The following ARHGEF3 variants were observed in gnomAD, a reference collection of about 807,000 sequenced individuals.
ARHGEF3 encodes the protein 59.8 kDA protein.
A neutral mutation model predicts 63.2 loss-of-function variants in ARHGEF3; 28 were observed. The ratio of observed to expected loss-of-function variants is 0.44; its 90% confidence interval spans 0.33 to 0.61. The LOEUF (loss-of-function observed/expected upper bound fraction) is 0.61, where lower values mean the gene tolerates loss of function less well. Ranked by LOEUF, ARHGEF3 falls within the 20% of genes least tolerant of loss-of-function variation. ARHGEF3 has a pLI of 0.03. For missense variants in ARHGEF3, 533 were observed against 659.3 expected (o/e 0.81, Z 2.10); for synonymous variants, 266 against 254.2 (o/e 1.05, Z -0.44).
chr3:56,819,085 A>G (rs542172915), intron 4 of ARHGEF3, among the ~76,000 whole-genome samples: 2 of 152,326 alleles, frequency 1.3e-5, no homozygotes, highest in East Asian at 3.9e-4. Context: ...AGGACTTAAG[A>G]GAAGACTAAA....
At chr3:56,977,191 C>G (rs891975988) in intron 2 of ARHGEF3, 5 of 454,532 alleles carry the variant, frequency 1.1e-5, no homozygotes, top group South Asian at 3.1e-5. Flanking sequence ...CAAGTTGCAT[C>G]AAGATTTTTC....
At chr3:56,855,629 G>A (rs1223515579) in intron 4 of ARHGEF3, among the ~76,000 whole-genome samples, 1 of 151,482 alleles carries the variant, frequency 6.6e-6, no homozygotes, top group Non-Finnish European at 1.5e-5. Context: ...GTTGCAATGA[G>A]CCGAGATTAC....
At chr3:57,007,309 G>A (rs767842749) in intron 2 of ARHGEF3, 43 of 1,289,606 alleles carry the variant, frequency 3.3e-5, no homozygotes, top group East Asian at 1.1e-4. Flanking sequence ...CATTGATTGC[G>A]CTGGTTCCAG....
intron 3 of ARHGEF3, among the ~76,000 whole-genome samples, chr3:56,954,896 G>A (rs1278213359): frequency 6.6e-6 from 1 of 152,166 alleles, no homozygotes; most frequent in African/African-American, 2.4e-5. Context: ...ATGGAGGTCT[G>A]CAGGGAATGT....
chr3:56,948,701 C>T (rs1699646372), intron 3 of ARHGEF3, among the ~76,000 whole-genome samples: 1 of 152,116 alleles, frequency 6.6e-6, no homozygotes, highest in Non-Finnish European at 1.5e-5. Flanking sequence ...ACCAGAGGTA[C>T]AAGGAGGAGC....
At chr3:56,937,648 T>C (rs1363711204) in intron 3 of ARHGEF3, among the ~76,000 whole-genome samples, 1 of 152,202 alleles carries the variant, frequency 6.6e-6, no homozygotes, top group Non-Finnish European at 1.5e-5. Flanking sequence ...TCCTCCCTGC[T>C]AGAACAAGTA....
intron 2 of ARHGEF3, among the ~76,000 whole-genome samples, chr3:56,998,849 A>G (rs963118991): frequency 6.6e-6 from 1 of 152,178 alleles, no homozygotes; most frequent in Non-Finnish European, 1.5e-5. Context: ...GATACCCTGA[A>G]GCAGATCCCA....
rs1213171914 is a variant in ARHGEF3, at chr3:56,783,373, G to A, written c.97-9557C>T. 2.6e-5 allele frequency among the ~76,000 whole-genome samples: 4 copies of A among 152,162 alleles called. No individual in the cohort carries two copies. The East Asian group carries it at 7.7e-4, about 29-fold the overall frequency. On this transcript the variant is annotated intron_variant, in intron 1 of 9. Transcript: ENST00000296315. ...GGTGGGGGTAGGCGGCAAGCGAGAT[G>A]GATTTCTTCCGGTACACCCGGGAGA...
rs118004144 is a variant in ARHGEF3 at position 56,916,377 on chromosome 3, C to T, written c.130-34023G>A. The T allele has an allele frequency of 1.2e-5, 19 of 1,533,606 alleles. No individual in the cohort carries two copies. In the East Asian group the frequency reaches 4.2e-4, roughly 34 times the overall value. The allele number at this position is 1,533,606 out of a possible 1,614,324, so 95.0% of individuals were successfully genotyped here. A position where few individuals can be genotyped will look rare whatever the true frequency, so the allele number is the denominator to read the frequency against. On this transcript the variant is annotated intron_variant, in intron 3 of 12. Transcript: ENST00000338458. ...GACCTCATCCACCCGGACTCACCGG[C>T]TCCTAACTGCAGTGGAGCCCTGTGC...
chr3:56,853,626 T>C (rs371647592), intron 4 of ARHGEF3, among the ~76,000 whole-genome samples: 2 of 152,232 alleles, frequency 1.3e-5, no homozygotes, highest in African/African-American at 4.8e-5. Flanking sequence ...TGAGTCACCA[T>C]GCCCGGCTCA....
chr3:56,864,463 T>C (rs2040178458), intron 4 of ARHGEF3, among the ~76,000 whole-genome samples: 3 of 152,236 alleles, frequency 2.0e-5, no homozygotes, highest in Admixed American at 2.0e-4. Flanking sequence ...TAGGTCAAGC[T>C]CCCTGGTTAA....
intron 1 of ARHGEF3, among the ~76,000 whole-genome samples, chr3:57,052,872 A>G (rs1704734042): frequency 6.6e-6 from 1 of 152,188 alleles, no homozygotes; most frequent in East Asian, 2.0e-4. Context: ...CCCCCAGGGC[A>G]CCATGGCCCA....
chr3:57,013,647 C>T (rs1702808264), intron 2 of ARHGEF3, among the ~76,000 whole-genome samples: 1 of 152,206 alleles, frequency 6.6e-6, no homozygotes, highest in Non-Finnish European at 1.5e-5. Context: ...CTGTGTCTAG[C>T]TCAAGGTTTG....
intron 6 of ARHGEF3, among the ~76,000 whole-genome samples, chr3:56,750,664 T>C (rs1020799060): frequency 1.3e-5 from 2 of 150,892 alleles, no homozygotes; most frequent in Non-Finnish European, 3.0e-5. Flanking sequence ...TTTAATAGCA[T>C]GACAAGTTTT....
At chr3:57,019,948 G>A (rs1360914897) in intron 2 of ARHGEF3, among the ~76,000 whole-genome samples, 1 of 152,182 alleles carries the variant, frequency 6.6e-6, no homozygotes, top group African/African-American at 2.4e-5. Context: ...GCCCAGGCTG[G>A]AGTACAATGG....
At chr3:56,754,403 GC>G (rs2034942686) in intron 3 of ARHGEF3, among the ~76,000 whole-genome samples, 1 of 152,228 alleles carries the variant, frequency 6.6e-6, no homozygotes, top group Non-Finnish European at 1.5e-5. Flanking sequence ...ACCTGGGGCT[GC>G]TTGGTAAACT....
At chr3:56,894,892 T>C (rs2041247432) in intron 3 of ARHGEF3, among the ~76,000 whole-genome samples, 1 of 152,244 alleles carries the variant, frequency 6.6e-6, no homozygotes, top group Non-Finnish European at 1.5e-5. Context: ...ATAAAAGTGA[T>C]TGGGATGAAC....
chr3:56,862,180 G>C (rs1302342175), intron 4 of ARHGEF3, among the ~76,000 whole-genome samples: 1 of 151,786 alleles, frequency 6.6e-6, no homozygotes, highest in Non-Finnish European at 1.5e-5. Context: ...GGAGTGGGAG[G>C]GGGAGCAGGG....
chr3:56,819,543 GCT>G (rs2038394256), intron 4 of ARHGEF3, among the ~76,000 whole-genome samples: 1 of 149,090 alleles, frequency 6.7e-6, no homozygotes, highest in East Asian at 2.0e-4. Context: ...ACAGAGTCTA[GCT>G]CTGTCTCCCA....
Sources: gnomAD v4.1 joint callset for allele counts (sites outside exome capture counted in the v4.1 genomes callset) on GRCh38, gnomAD v4.1.1 for gene constraint, MANE v1.5 for transcripts, NCBI Gene and HGNC (gene_info 2026-07-23, HGNC 2026-07-21) for gene names.